The following IQGAP2 variants were observed in gnomAD, a reference collection of about 807,000 sequenced individuals.
IQGAP2 encodes the protein IQ motif containing GTPase activating protein 2.
IQGAP2 carries 173 observed loss-of-function variants against 201.3 expected under a neutral mutation model. The observed-to-expected ratio is 0.86, with a 90% CI of 0.76 to 0.98. The LOEUF (loss-of-function observed/expected upper bound fraction) is 0.98. IQGAP2 is among the 50% of genes least tolerant of loss of function. IQGAP2 has a pLI of 0.00. For synonymous variants in IQGAP2, 675 were observed against 673.9 expected, an observed-to-expected ratio of 1.00 and a Z score of -0.03; for missense variants, 1,687 against 1,864.8, an observed-to-expected ratio of 0.90 and a Z score of 1.76.
At chr5:76,506,320 T>C (rs938437530) in intron 2 of IQGAP2, among the ~76,000 whole-genome samples, 2 of 152,250 alleles carry the variant, frequency 1.3e-5, no homozygotes, top group Admixed American at 6.5e-5. Flanking sequence ...AAGTACTAGT[T>C]CTTGCCAGTA....
At chr5:76,581,366 T>G (rs527547279) in intron 5 of IQGAP2, among the ~76,000 whole-genome samples, 2 of 152,378 alleles carry the variant, frequency 1.3e-5, no homozygotes, top group South Asian at 2.1e-4. Context: ...CAAAGACAGT[T>G]TCTTAGCTCA....
chr5:76,668,122 A>G (rs564967629), intron 22 of IQGAP2, among the ~76,000 whole-genome samples: 4 of 151,972 alleles, frequency 2.6e-5, no homozygotes, highest in Admixed American at 6.6e-5. Flanking sequence ...GGCTCAAGCT[A>G]TCCTTCTGCC....
At chr5:76,589,124 T>TC (rs1746452313) in intron 6 of IQGAP2, 151 bp downstream of exon 6, 1 of 238,898 alleles carries the variant, frequency 4.2e-6, no homozygotes. Flanking sequence ...CCATCCTGAC[T>TC]AACAGTGAAA....
intron 1 of IQGAP2, among the ~76,000 whole-genome samples, chr5:76,460,353 C>T (rs187935685): frequency 2.3e-4 from 35 of 152,244 alleles, no homozygotes; most frequent in Non-Finnish European, 4.4e-4. Context: ...TCCTGGAACA[C>T]GGTGCTGCCT....
intron 30 of IQGAP2, among the ~76,000 whole-genome samples, chr5:76,689,975 G>A (rs1306756529): frequency 6.6e-6 from 1 of 152,132 alleles, no homozygotes; most frequent in East Asian, 1.9e-4. Context: ...CTACAGTGGG[G>A]TTTGAGCACA....
chr5:76,525,687 A>T (rs553801273), intron 2 of IQGAP2, among the ~76,000 whole-genome samples: 1 of 152,356 alleles, frequency 6.6e-6, no homozygotes, highest in East Asian at 1.9e-4. Context: ...TTTTAAATGC[A>T]TAAAATAAGC....
intron 20 of IQGAP2, among the ~76,000 whole-genome samples, chr5:76,657,045 A>C (rs1042882958): frequency 1.3e-5 from 2 of 152,226 alleles, no homozygotes; most frequent in Non-Finnish European, 2.9e-5. Context: ...TGATTTCCTG[A>C]AATTAAAATA....
rs183072105 is a variant in IQGAP2 at position 76,610,147 on chromosome 5, G to C, written c.1358-873G>C. 2.5e-3 allele frequency among the ~76,000 whole-genome samples: 170 copies of C among 67,722 alleles called. 2 individuals carry two copies. Among genetic ancestry groups the C allele is most frequent in the African/African-American group, 9.8e-3 (158 of 16,154 alleles). The allele number at this position is 67,722 out of a possible 152,430, so 44.4% of individuals were successfully genotyped here. ...TTTTTTTTTTTTTTTTTTTTTTGGTGGGGGGAACAGAGTCTTACTCTGTCA... is the reference window on the plus strand; with the variant it reads ...TTTTTTTTTTTTTTTTTTTTTTGGTCGGGGGAACAGAGTCTTACTCTGTCA... On this transcript the variant is annotated intron_variant, in intron 12 of 35. Coordinates refer to ENST00000274364, the MANE Select transcript of IQGAP2 (RefSeq NM_006633.5).
chr5:76,433,308 T>C (rs1271483396), intron 1 of IQGAP2, among the ~76,000 whole-genome samples: 1 of 152,328 alleles, frequency 6.6e-6, no homozygotes, highest in East Asian at 1.9e-4. Context: ...AGAACTTTTA[T>C]GGTTTTAGGT....
chr5:76,403,598 G>T lies in IQGAP2; in HGVS notation c.46+7G>T. 1 of 1,530,316 alleles carries T rather than the reference G, an allele frequency of 6.5e-7. No individual in the cohort carries two copies. The highest frequency in any genetic ancestry group is 8.8e-7 in the Non-Finnish European group (1 of 1,142,000). 94.8% of individuals were successfully genotyped at this position (1,530,316 alleles called of 1,614,324 possible). On this transcript the variant is annotated splice_region_variant and intron_variant, in intron 1 of 35. Transcript: ENST00000274364. This position sits in a 1 kb window ranked among gnomAD's most constrained non-coding sequence, Gnocchi z 4.8. Reference sequence around the variant, plus strand: ...CAGAGACCCCGCTATGGCTGTAAGTGCGCCGGGCGCGCGGGGTTCCTGCTG... The same window carrying T: ...CAGAGACCCCGCTATGGCTGTAAGTTCGCCGGGCGCGCGGGGTTCCTGCTG...
intron 2 of IQGAP2, among the ~76,000 whole-genome samples, chr5:76,559,348 G>A (rs1055095286): frequency 1.3e-5 from 2 of 152,122 alleles, no homozygotes; most frequent in Admixed American, 6.5e-5. Flanking sequence ...CAGAGGAGTC[G>A]GTCTCTGAGG....
intron 2 of IQGAP2, among the ~76,000 whole-genome samples, chr5:76,467,211 T>C (rs1228762874): frequency 6.6e-6 from 1 of 152,142 alleles, no homozygotes; most frequent in African/African-American, 2.4e-5. Context: ...GAGATCACAC[T>C]GCACTCTACT....
chr5:76,692,606 TA>T (rs1368126843), intron 30 of IQGAP2, among the ~76,000 whole-genome samples: 3 of 152,182 alleles, frequency 2.0e-5, no homozygotes, highest in Non-Finnish European at 4.4e-5. Context: ...CCAATTGCCA[TA>T]AAGAACACCT....
At position 76,640,925 on chromosome 5, in the gene IQGAP2, C is replaced by T; in HGVS notation, c.1924-8C>T. 6.4e-7 allele frequency: 1 copy of T among 1,566,514 alleles called. No homozygotes were observed. The highest frequency in any genetic ancestry group is 8.7e-7 in the Non-Finnish European group (1 of 1,145,036). On this transcript the variant is annotated splice_polypyrimidine_tract_variant and splice_region_variant and intron_variant, in intron 16 of 35. Transcript: ENST00000274364. ...TGAAGTGTAACCATAAGAAATATCT[C>T]TTGCCAGGACATTATTGAGGAAGTC...
At chr5:76,693,578 A>G in intron 31 of IQGAP2, 136 bp downstream of exon 31, 1 of 629,060 alleles carries the variant, frequency 1.6e-6, no homozygotes, top group East Asian at 2.8e-5. Context: ...CTATTACTGC[A>G]GTGGACTTAG....
At chr5:76,543,669 T>A (rs1421463733) in intron 2 of IQGAP2, among the ~76,000 whole-genome samples, 1 of 152,242 alleles carries the variant, frequency 6.6e-6, no homozygotes, top group African/African-American at 2.4e-5. Flanking sequence ...TCTGTCTTCT[T>A]TTTCCTGACT....
chr5:76,411,165 C>T (rs910705737), intron 1 of IQGAP2, among the ~76,000 whole-genome samples: 6 of 152,112 alleles, frequency 3.9e-5, no homozygotes, highest in South Asian at 2.1e-4. Flanking sequence ...GATTCTGATG[C>T]GCTAGAGCAT....
intron 12 of IQGAP2, among the ~76,000 whole-genome samples, chr5:76,610,609 T>C (rs1748310081): frequency 6.6e-6 from 1 of 152,064 alleles, no homozygotes; most frequent in South Asian, 2.1e-4. Flanking sequence ...GGGACCTTGA[T>C]AGAAGTTGCA....
rs1018723821 is a variant in IQGAP2 at position 76,427,023 on chromosome 5, A to G, written c.46+23432A>G. Among the ~76,000 whole-genome samples the G allele has an allele frequency of 5.7e-5, 7 of 123,780 alleles. No individual in the cohort carries two copies. In the East Asian group the frequency reaches 1.7e-3, roughly 29 times the overall value. 81.2% of individuals were successfully genotyped at this position (123,780 alleles called of 152,430 possible). ...TGGTGGGCACTGAGAGAGAAGAGAAAATAACATTAGAGTTAATCCTGTAGG... is the reference window on the plus strand; with the variant it reads ...TGGTGGGCACTGAGAGAGAAGAGAAGATAACATTAGAGTTAATCCTGTAGG... On this transcript the variant is annotated intron_variant, in intron 1 of 35. Transcript: ENST00000274364.
Sources: gnomAD v4.1 joint callset for allele counts (sites outside exome capture counted in the v4.1 genomes callset) on GRCh38, gnomAD v4.1.1 for gene constraint, Gnocchi (gnomAD v3.1) non-coding constraint, MANE v1.5 for transcripts, NCBI Gene and HGNC (gene_info 2026-07-23, HGNC 2026-07-21) for gene names.